SH2D4B: variants seen among roughly 807,000 people sequenced by gnomAD.
The protein encoded by SH2D4B is SH2 domain containing 4B, also known as SH2 domain-containing protein 4B.
SH2D4B carries 45 observed loss-of-function variants against 61.5 expected under a neutral mutation model. The observed-to-expected ratio is 0.73, with a 90% confidence interval of 0.58 to 0.94. The LOEUF (loss-of-function observed/expected upper bound fraction) is 0.94. SH2D4B is among the 40% of genes least tolerant of loss of function. The probability of loss-of-function intolerance (pLI) is 0.00; values close to 1 mark genes in which losing one functional copy is unlikely to be tolerated. For missense variants in SH2D4B, 572 were observed against 574.2 expected, an observed-to-expected ratio of 1.00 and a Z score of 0.04; for synonymous variants, 224 against 220.4, an observed-to-expected ratio of 1.02 and a Z score of -0.14.
intron 3 of SH2D4B, among the ~76,000 whole-genome samples, chr10:80,576,278 C>T (rs1842124189): frequency 6.6e-6 from 1 of 152,198 alleles, no homozygotes; most frequent in South Asian, 2.1e-4. Flanking sequence ...AGGGTCTCAA[C>T]CACAGGCTGT....
chr10:80,568,183 T>C (rs1212662265), intron 1 of SH2D4B, among the ~76,000 whole-genome samples: 1 of 152,062 alleles, frequency 6.6e-6, no homozygotes, highest in East Asian at 1.9e-4. Context: ...GTGGCTATGT[T>C]AGTCTGGTTT....
At chr10:80,638,314 G>A (rs906363658) in intron 7 of SH2D4B, among the ~76,000 whole-genome samples, 13 of 152,200 alleles carry the variant, frequency 8.5e-5, no homozygotes, top group Non-Finnish European at 8.8e-5. Context: ...ATGAGTTAGA[G>A]AGGATTCCCT....
chr10:80,543,289 G>C (rs941171127), intron 1 of SH2D4B, among the ~76,000 whole-genome samples: 6 of 152,242 alleles, frequency 3.9e-5, no homozygotes, highest in African/African-American at 7.2e-5. Flanking sequence ...AGCGGGAACC[G>C]GGGCCAGCGC....
intron 1 of SH2D4B, among the ~76,000 whole-genome samples, chr10:80,552,182 A>G (rs1344133998): frequency 6.6e-6 from 1 of 152,232 alleles, no homozygotes; most frequent in Non-Finnish European, 1.5e-5. Flanking sequence ...TCAGAATTTC[A>G]GACCATTGTT....
At chr10:80,613,949 G>C (rs1223067699) in intron 6 of SH2D4B, among the ~76,000 whole-genome samples, 1 of 152,200 alleles carries the variant, frequency 6.6e-6, no homozygotes, top group Non-Finnish European at 1.5e-5. Flanking sequence ...TGCTGTGTTT[G>C]AGGGAAGGGA....
Position 80,609,782 on chromosome 10 carries a change from T to C in SH2D4B, c.988+231T>C, listed in dbSNP as rs577417564. ...TGAACATGGCTCTCGCCCACTGCTGTCACCTCACAGCCTCTGTAGCCACCA... is the reference window on the plus strand; with the variant it reads ...TGAACATGGCTCTCGCCCACTGCTGCCACCTCACAGCCTCTGTAGCCACCA... On this transcript the variant is annotated intron_variant, in intron 6 of 7. Coordinates refer to ENST00000646907, the MANE Select transcript of SH2D4B (RefSeq NM_001388272.1). 7.2e-5 allele frequency among the ~76,000 whole-genome samples: 11 copies of C among 152,318 alleles called. No individual in the cohort carries two copies. In the South Asian group the frequency reaches 2.3e-3, roughly 32 times the overall value.
rs991999988 is a variant in SH2D4B at position 80,538,523 on chromosome 10, G to A, written c.184+8G>A. ...CTCCAAAGACCAAGCGAGGTACGTG[G>A]CTGGGAGTCACAGAGAGGTAGGCCA... On this transcript the variant is annotated splice_region_variant and intron_variant, in intron 1 of 7. Coordinates refer to ENST00000646907, the MANE Select transcript of SH2D4B (RefSeq NM_001388272.1). This position sits in a 1 kb window ranked among gnomAD's most constrained non-coding sequence, Gnocchi z 4.8. 3 of 1,376,324 alleles carry A rather than the reference G, an allele frequency of 2.2e-6. No individual in the cohort carries two copies. In the South Asian group the frequency reaches 5.4e-5, roughly 25 times the overall value. The allele number at this position is 1,376,324 out of a possible 1,614,324, so 85.3% of individuals were successfully genotyped here.
intron 1 of SH2D4B, among the ~76,000 whole-genome samples, chr10:80,563,876 G>A (rs913294813): frequency 1.3e-5 from 2 of 152,150 alleles, no homozygotes; most frequent in African/African-American, 4.8e-5. Flanking sequence ...TTGAGAAAAG[G>A]CATCATTCAA....
intron 1 of SH2D4B, among the ~76,000 whole-genome samples, chr10:80,547,214 C>T (rs900961349): frequency 6.6e-6 from 1 of 152,218 alleles, no homozygotes; most frequent in Non-Finnish European, 1.5e-5. Context: ...CAGCGCACCC[C>T]TCACTGTTGG....
At chr10:80,625,976 A>G (rs984249305) in intron 6 of SH2D4B, among the ~76,000 whole-genome samples, 2 of 152,150 alleles carry the variant, frequency 1.3e-5, no homozygotes, top group African/African-American at 4.8e-5. Context: ...CCCTAAACAA[A>G]ATTTTGAAAC....
intron 5 of SH2D4B, 69 bp downstream of exon 5, chr10:80,603,864 C>T: frequency 7.0e-7 from 1 of 1,428,880 alleles, no homozygotes; most frequent in East Asian, 2.4e-5. Context: ...ACACCGGGGT[C>T]CCCGTCCCGG....
intron 1 of SH2D4B, among the ~76,000 whole-genome samples, chr10:80,552,467 A>T (rs919076367): frequency 6.6e-6 from 1 of 152,124 alleles, no homozygotes; most frequent in Non-Finnish European, 1.5e-5. Context: ...CCCTCATTTC[A>T]GGATGCTAAC....
At chr10:80,616,193 A>G (rs1448772316) in intron 6 of SH2D4B, among the ~76,000 whole-genome samples, 1 of 152,186 alleles carries the variant, frequency 6.6e-6, no homozygotes. Context: ...GGGGTAACGC[A>G]GGGGCCATTT....
intron 4 of SH2D4B, among the ~76,000 whole-genome samples, chr10:80,591,679 T>G (rs777463261): frequency 4.6e-5 from 7 of 152,018 alleles, no homozygotes. Flanking sequence ...TTATGTAATT[T>G]TAGTAGAGAC....
intron 7 of SH2D4B, among the ~76,000 whole-genome samples, chr10:80,643,625 G>A (rs1240052156): frequency 1.3e-5 from 2 of 151,998 alleles, no homozygotes; most frequent in Non-Finnish European, 2.9e-5. Flanking sequence ...GGAACCGTGT[G>A]CGTCTCCTCA....
At chr10:80,634,942 C>T (rs1461941903) in intron 7 of SH2D4B, among the ~76,000 whole-genome samples, 1 of 152,208 alleles carries the variant, frequency 6.6e-6, no homozygotes. Flanking sequence ...ATTAGAGAAG[C>T]TTTTCTAGTG....
chr10:80,588,254 C>G (rs1842282746), intron 3 of SH2D4B, among the ~76,000 whole-genome samples: 1 of 152,086 alleles, frequency 6.6e-6, no homozygotes. Context: ...AAAACAGAAA[C>G]TAGGGAGGAG....
intron 6 of SH2D4B, among the ~76,000 whole-genome samples, chr10:80,630,126 GT>G (rs11316005): frequency 0.13 from 19,265 of 152,166 alleles, 2,050 homozygotes; most frequent in African/African-American, 0.29. Flanking sequence ...AGGATGATTG[GT>G]AAGTGAGCCT....
chr10:80,564,631 C>A (rs1445135476), intron 1 of SH2D4B, among the ~76,000 whole-genome samples: 1 of 152,182 alleles, frequency 6.6e-6, no homozygotes, highest in African/African-American at 2.4e-5. Context: ...CTTTAAATAT[C>A]ATCTGTACAC....
Sources: allele counts gnomAD v4.1 joint callset (sites outside exome capture counted in the v4.1 genomes callset), GRCh38; gene constraint gnomAD v4.1.1; non-coding constraint Gnocchi (gnomAD v3.1); transcripts MANE v1.5; gene names NCBI Gene and HGNC (gene_info 2026-07-23, HGNC 2026-07-21).